Variants in RILPL2 observed in about 807,000 individuals in gnomAD.
RILPL2 encodes the protein RILP-like protein 2.
Under a neutral mutation model 22.2 loss-of-function variants are expected in RILPL2, and 19 were observed. The observed-to-expected ratio is 0.86, with a 90% confidence interval of 0.60 to 1.25. The LOEUF is 1.25. Ranked by LOEUF, RILPL2 falls within the 50% of genes most tolerant of loss-of-function variation. RILPL2 has a pLI of 0.00. For missense variants in RILPL2, 243 were observed against 263.6 expected, an observed-to-expected ratio of 0.92 and a Z score of 0.54; for synonymous variants, 123 against 111.6, an observed-to-expected ratio of 1.10 and a Z score of -0.64.
chr12:123,429,509 C>T (rs926618894), intron 2 of RILPL2, among the ~76,000 whole-genome samples: 6 of 151,736 alleles, frequency 4.0e-5, no homozygotes, highest in Non-Finnish European at 7.4e-5. Flanking sequence ...GTTGGCCAGG[C>T]TGGTCTCGAA....
chr12:123,434,146 T>TGG (rs1409124829), intron 1 of RILPL2, among the ~76,000 whole-genome samples: 1 of 152,058 alleles, frequency 6.6e-6, no homozygotes, highest in African/African-American at 2.4e-5. Context: ...AGGCTGGGCA[T>TGG]GGTGGCTCAG....
chr12:123,434,726 A>C (rs1879745020), intron 1 of RILPL2, among the ~76,000 whole-genome samples: 1 of 151,338 alleles, frequency 6.6e-6, no homozygotes, highest in African/African-American at 2.4e-5. Flanking sequence ...GCACCCAGCC[A>C]GATGATTTTT....
At chr12:123,424,940 C>T (rs550120075) in intron 2 of RILPL2, among the ~76,000 whole-genome samples, 88 of 151,188 alleles carry the variant, frequency 5.8e-4, no homozygotes, top group Middle Eastern at 6.9e-3. Flanking sequence ...GGAGTGGTGG[C>T]GCTACCTTGG....
In RILPL2 at chr12:123,436,422, G is replaced by A. The variant is rs1354113878; in HGVS notation, c.-2C>T. The A allele has an allele frequency of 1.9e-6, 3 of 1,545,622 alleles. No homozygotes were observed. Among genetic ancestry groups the A allele is most frequent in the Non-Finnish European group, 2.6e-6 (3 of 1,146,594 alleles). On this transcript the variant is annotated 5_prime_UTR_variant, in exon 1 of 4. Coordinates refer to ENST00000280571, the MANE Select transcript of RILPL2 (RefSeq NM_145058.3). This position sits in a 1 kb window ranked among gnomAD's most constrained non-coding sequence, Gnocchi z 6.7. Reference sequence around the variant, plus strand: ...TTCTCGCACAGGGGGCTCCTCCATGGCCACCCAGACCCCCGCCGACCTCGG... The same window carrying A: ...TTCTCGCACAGGGGGCTCCTCCATGACCACCCAGACCCCCGCCGACCTCGG...
chr12:123,423,434 C>A (rs996714255), intron 2 of RILPL2, among the ~76,000 whole-genome samples: 2 of 151,808 alleles, frequency 1.3e-5, no homozygotes, highest in African/African-American at 4.8e-5. Context: ...CTCTTGACCT[C>A]AAGTGATCCA....
At chr12:123,429,760 C>T (rs1879562423) in intron 2 of RILPL2, among the ~76,000 whole-genome samples, 1 of 151,792 alleles carries the variant, frequency 6.6e-6, no homozygotes, top group Non-Finnish European at 1.5e-5. Flanking sequence ...GCATGAGCCA[C>T]CATGCCCAGC....
chr12:123,430,598 G>T lies in RILPL2; in HGVS notation c.401C>A (p.Thr134Asn). ...DLTDPNRPRFTLQELRDVLQE... is the reference protein window; with the variant it reads ...DLTDPNRPRFNLQELRDVLQE... ...CAGCACATCCCTTAGCTCCTGCAGA[G>T]TGAAGCGGGGTCGGTTGGGATCTGT... The change falls in exon 2 of 4, where the codon ACT (threonine) becomes AAT (asparagine). Residue 134 changes from threonine (T) to asparagine (N), a missense_variant. Thr to Asn is a moderately conservative substitution (Grantham distance 65). Coordinates refer to ENST00000280571, the MANE Select transcript of RILPL2 (RefSeq NM_145058.3). 1 of 1,612,372 alleles carries T rather than the reference G, an allele frequency of 6.2e-7. No homozygotes were observed. The highest frequency in any genetic ancestry group is 8.5e-7 in the Non-Finnish European group (1 of 1,178,892).
chr12:123,426,997 A>G (rs974461484), intron 2 of RILPL2, among the ~76,000 whole-genome samples: 2 of 149,596 alleles, frequency 1.3e-5, no homozygotes, highest in African/African-American at 2.5e-5. Flanking sequence ...CACGGGTGCA[A>G]TCACTGCCCA....
At chr12:123,413,715 A>G (rs1419369336), downstream of RILPL2, 1 of 152,176 alleles carries the variant, frequency 6.6e-6, no homozygotes, top group Non-Finnish European at 1.5e-5. Context: ...CCCCACCCAC[A>G]TCCTGCTGAT....
intron 2 of RILPL2, among the ~76,000 whole-genome samples, chr12:123,430,099 CAAAAAAA>C (rs59871132): frequency 4.8e-4 from 9 of 18,776 alleles, no homozygotes; most frequent in Admixed American, 1.1e-3. Context: ...GTGAGACCCT[CAAAAAAA>C]AAAAAAAAAA....
chr12:123,416,472 T>C (rs1052066443), intron 3 of RILPL2, among the ~76,000 whole-genome samples: 1 of 151,976 alleles, frequency 6.6e-6, no homozygotes, highest in East Asian at 1.9e-4. Context: ...ACCCCGTCTC[T>C]ACTAAAAATA....
chr12:123,417,522 C>T (rs1209258814), intron 3 of RILPL2, among the ~76,000 whole-genome samples: 1 of 152,130 alleles, frequency 6.6e-6, no homozygotes, highest in Non-Finnish European at 1.5e-5. Context: ...CAGCCCCTCC[C>T]ACCTCTCCAA....
At chr12:123,428,158 A>G (rs920168536) in intron 2 of RILPL2, among the ~76,000 whole-genome samples, 13 of 152,104 alleles carry the variant, frequency 8.5e-5, no homozygotes, top group Admixed American at 7.9e-4. Flanking sequence ...TTTTTCTGAG[A>G]TGGAGTCTCG....
At position 123,423,037 on chromosome 12, in the gene RILPL2, C is replaced by T. The variant is rs772122890; in HGVS notation, c.605+7G>A. On this transcript the variant is annotated splice_region_variant and intron_variant, in intron 3 of 3. Coordinates refer to ENST00000280571, the MANE Select transcript of RILPL2 (RefSeq NM_145058.3). ...GCGGGACCGGGGGGCAGCAAGGTGACACTTACAGCTTTTTTATGATTGTCT... is the reference window on the plus strand; with the variant it reads ...GCGGGACCGGGGGGCAGCAAGGTGATACTTACAGCTTTTTTATGATTGTCT... 6.3e-7 allele frequency: 1 copy of T among 1,596,734 alleles called. No homozygotes were observed. Among genetic ancestry groups the T allele is most frequent in the Middle Eastern group, 1.7e-4 (1 of 6,032 alleles).
chr12:123,419,079 C>T (rs28715490), intron 3 of RILPL2, among the ~76,000 whole-genome samples: 22,883 of 149,576 alleles, frequency 0.15, 2,078 homozygotes, highest in Middle Eastern at 0.28. Flanking sequence ...GGCACGATCT[C>T]GGCTCACTGC....
chr12:123,420,864 T>C (rs1593488788), intron 3 of RILPL2, among the ~76,000 whole-genome samples: 2 of 152,034 alleles, frequency 1.3e-5, no homozygotes, highest in Non-Finnish European at 2.9e-5. Flanking sequence ...AGGAGGTAAA[T>C]AGATGCGGCT....
downstream of RILPL2, chr12:123,412,405 T>G (rs1878999221): frequency 6.6e-6 from 1 of 152,274 alleles, no homozygotes; most frequent in African/African-American, 2.4e-5. Context: ...CCTCCAAAAG[T>G]GCTGGAATTA....
At position 123,428,527 on chromosome 12, in the gene RILPL2, G is replaced by A. The variant is rs1879508417; in HGVS notation, c.491+1981C>T. On this transcript the variant is annotated intron_variant, in intron 2 of 3. Transcript: ENST00000280571. ...GACAATAAATGTGGGTTCTTACAAC[G>A]CTTCTGCTGTATTGCTGCTCTCTGA... is the stretch of plus-strand genomic sequence containing the variant. Among the ~76,000 whole-genome samples, 3 of 152,312 alleles carry A rather than the reference G, an allele frequency of 2.0e-5. No individual in the cohort carries two copies. The South Asian group carries it at 6.2e-4, about 32-fold the overall frequency.
At chr12:123,435,284 G>C (rs73412215) in intron 1 of RILPL2, among the ~76,000 whole-genome samples, 4,142 of 152,100 alleles carry the variant, frequency 0.027, 201 homozygotes, top group African/African-American at 0.095. Flanking sequence ...TCAGCACCCC[G>C]TTCTTTTTCT....
Sources: gnomAD v4.1 joint callset for allele counts (sites outside exome capture counted in the v4.1 genomes callset) on GRCh38, gnomAD v4.1.1 for gene constraint, Gnocchi (gnomAD v3.1) non-coding constraint, MANE v1.5 for transcripts, NCBI Gene and HGNC (gene_info 2026-07-23, HGNC 2026-07-21) for gene names.